The following MYO3A variants were observed in gnomAD, a reference collection of about 807,000 sequenced individuals.
MYO3A encodes myosin-IIIa.
MYO3A carries 180 observed loss-of-function variants against 192.7 expected under a neutral mutation model. The observed-to-expected ratio is 0.93, with a 90% confidence interval of 0.83 to 1.06. MYO3A has a LOEUF of 1.06. MYO3A is among the 50% of genes least tolerant of loss of function. The probability of loss-of-function intolerance (pLI) is 0.00; values close to 1 mark genes in which losing one functional copy is unlikely to be tolerated. For synonymous variants in MYO3A, 628 were observed against 645.3 expected (o/e 0.97, Z 0.41); for missense variants, 1,896 against 1,905.0 (o/e 1.00, Z 0.09).
chr10:26,093,757 T>A (rs1025530639), intron 15 of MYO3A, among the ~76,000 whole-genome samples: 6 of 152,182 alleles, frequency 3.9e-5, no homozygotes, highest in African/African-American at 1.2e-4. Flanking sequence ...CCCAAAGACA[T>A]ACCTCTCCCC....
At chr10:25,979,412 C>CAA (rs75596181) in intron 4 of MYO3A, among the ~76,000 whole-genome samples, 62 of 125,704 alleles carry the variant, frequency 4.9e-4, no homozygotes, top group African/African-American at 1.7e-3. Flanking sequence ...CTTCTATTAC[C>CAA]AAAAAAAAAA....
At chr10:25,964,310 AAG>A (rs1838129412) in intron 4 of MYO3A, among the ~76,000 whole-genome samples, 1 of 152,154 alleles carries the variant, frequency 6.6e-6, no homozygotes, top group African/African-American at 2.4e-5. Context: ...CACACTACAA[AAG>A]CACACATTAG....
intron 14 of MYO3A, among the ~76,000 whole-genome samples, chr10:26,071,746 C>T (rs954141766): frequency 2.0e-5 from 3 of 152,014 alleles, no homozygotes; most frequent in Admixed American, 1.3e-4. Context: ...ATGTATGGTA[C>T]GTAAACAAAT....
chr10:26,014,547 AC>A (rs1202321907), intron 6 of MYO3A, among the ~76,000 whole-genome samples: 1 of 152,146 alleles, frequency 6.6e-6, no homozygotes, highest in Non-Finnish European at 1.5e-5. Flanking sequence ...ATATAGTCTT[AC>A]CAAATACTGT....
At chr10:26,190,775 A>T (rs1051659511) in intron 31 of MYO3A, among the ~76,000 whole-genome samples, 1 of 152,198 alleles carries the variant, frequency 6.6e-6, no homozygotes, top group Non-Finnish European at 1.5e-5. Context: ...TGCACCCTTC[A>T]CCTTCTATTT....
intron 19 of MYO3A, 37 bp from the exon 20 acceptor site, chr10:26,128,354 G>A: frequency 6.2e-7 from 1 of 1,601,222 alleles, no homozygotes; most frequent in Non-Finnish European, 8.6e-7. Context: ...ACCTCTTCAG[G>A]AAATAACTCA....
chr10:26,075,276 A>T (rs1835458533), intron 14 of MYO3A, among the ~76,000 whole-genome samples: 1 of 150,508 alleles, frequency 6.6e-6, no homozygotes, highest in African/African-American at 2.4e-5. Context: ...ATTTTTATTT[A>T]TTTTTTTTAA....
chr10:26,012,975 C>G (rs143360520), intron 6 of MYO3A, among the ~76,000 whole-genome samples: 1 of 151,974 alleles, frequency 6.6e-6, no homozygotes, highest in Non-Finnish European at 1.5e-5. Flanking sequence ...AAGCCAAATA[C>G]GTACAGCCAA....
intron 23 of MYO3A, among the ~76,000 whole-genome samples, chr10:26,150,052 G>GTGTA (rs1840708812): frequency 6.6e-6 from 1 of 150,864 alleles, no homozygotes. Context: ...GTGTGTGTGT[G>GTGTA]TGTGTAGACA....
chr10:26,135,344 G>A (rs1839786414), intron 20 of MYO3A, among the ~76,000 whole-genome samples: 1 of 151,556 alleles, frequency 6.6e-6, no homozygotes, highest in Admixed American at 6.6e-5. Flanking sequence ...AGATTATTAG[G>A]TTATTAATTC....
chr10:26,077,233 G>GTTTTTTTTTT lies in MYO3A; in HGVS notation c.1359+6845_1359+6854dup, dbSNP rs34464120. Among the ~76,000 whole-genome samples, 58 of 36,286 alleles carry GTTTTTTTTTT rather than the reference G, an allele frequency of 1.6e-3. 7 individuals are homozygous for GTTTTTTTTTT. The highest frequency in any genetic ancestry group is 2.7e-3 in the African/African-American group (28 of 10,262). The allele number at this position is 36,286 out of a possible 152,430, so 23.8% of individuals were successfully genotyped here. On this transcript the variant is annotated intron_variant, in intron 14 of 34. Transcript: ENST00000642920. ...CTCCTTGGTTAGGTATATTCCTAAG[G>GTTTTTTTTTT]TTTTTTTTTTTTTTTTTTTTTTGCA...
At chr10:26,073,299 T>C (rs12263885) in intron 14 of MYO3A, among the ~76,000 whole-genome samples, 71,929 of 151,312 alleles carry the variant, frequency 0.48, 17,819 homozygotes, top group Middle Eastern at 0.59. Context: ...AGGCCGGGAG[T>C]GGTGGCTCAT....
intron 20 of MYO3A, among the ~76,000 whole-genome samples, chr10:26,133,549 T>C (rs1839668780): frequency 6.6e-6 from 1 of 152,230 alleles, no homozygotes; most frequent in Non-Finnish European, 1.5e-5. Context: ...ATGTGGGGAT[T>C]TGTGGTACTT....
intron 6 of MYO3A, among the ~76,000 whole-genome samples, chr10:26,001,795 A>G (rs887035652): frequency 6.6e-6 from 1 of 152,212 alleles, no homozygotes; most frequent in Non-Finnish European, 1.5e-5. Context: ...CAGACTGGGC[A>G]ATATAGCAAG....
chr10:26,018,312 A>G (rs1394375437), intron 7 of MYO3A, among the ~76,000 whole-genome samples: 1 of 151,978 alleles, frequency 6.6e-6, no homozygotes, highest in Non-Finnish European at 1.5e-5. Context: ...TATTATATTC[A>G]TCTCTCTGTA....
At chr10:26,130,281 T>G (rs1298200791) in intron 20 of MYO3A, among the ~76,000 whole-genome samples, 1 of 152,060 alleles carries the variant, frequency 6.6e-6, no homozygotes, top group East Asian at 1.9e-4. Context: ...ATTTTTGCAT[T>G]TTTTCATGGA....
intron 25 of MYO3A, among the ~76,000 whole-genome samples, chr10:26,156,067 A>C (rs575443150): frequency 1.3e-5 from 2 of 152,328 alleles, no homozygotes; most frequent in East Asian, 3.9e-4. Flanking sequence ...CCTAAATTGC[A>C]GGAAGGTCCT....
intron 2 of MYO3A, among the ~76,000 whole-genome samples, chr10:25,945,735 T>A (rs1836792568): frequency 6.6e-6 from 1 of 152,144 alleles, no homozygotes; most frequent in South Asian, 2.1e-4. Flanking sequence ...GTTTAATCCA[T>A]TTACATTTAA....
rs553996804 is a variant in MYO3A, at chr10:26,128,762, C to T, written c.2262+224C>T. ...ATGTTAAATGTCCTCCATTGAAAAT[C>T]GGTACACTCTTCTCCAAAACTTAGA... On this transcript the variant is annotated intron_variant, in intron 20 of 34. Transcript: ENST00000642920. Among the ~76,000 whole-genome samples the T allele has an allele frequency of 4.6e-5, 7 of 152,288 alleles. No homozygotes were observed. The South Asian group carries it at 6.2e-4, about 14-fold the overall frequency.
Sources: allele counts gnomAD v4.1 joint callset (sites outside exome capture counted in the v4.1 genomes callset), GRCh38; gene constraint gnomAD v4.1.1; transcripts MANE v1.5; gene names NCBI Gene and HGNC (gene_info 2026-07-23, HGNC 2026-07-21).